DNHD1: variants seen among roughly 807,000 people sequenced by gnomAD.
DNHD1 encodes dynein heavy chain domain 1, also known as dynein heavy chain domain-containing protein 1.
DNHD1 carries 383 observed loss-of-function variants against 458.1 expected under a neutral mutation model. The ratio of observed to expected loss-of-function variants is 0.84; its 90% CI spans 0.77 to 0.91. DNHD1 has a LOEUF of 0.91. Ranked by LOEUF, DNHD1 falls within the 40% of genes least tolerant of loss-of-function variation. DNHD1 has a pLI of 0.00. For missense variants in DNHD1, 5,336 were observed against 5,866.1 expected (o/e 0.91, Z 2.95); for synonymous variants, 2,203 against 2,376.9 (o/e 0.93, Z 2.13).
chr11:6,498,771 C>A lies in DNHD1; in HGVS notation c.556C>A (p.Arg186=). 1.9e-6 allele frequency: 3 copies of A among 1,614,158 alleles called. No homozygotes were observed. Among genetic ancestry groups the A allele is most frequent in the Non-Finnish European group, 2.5e-6 (3 of 1,180,002 alleles). The change falls in exon 3 of 43, where the codon CGA becomes AGA. Residue 186 remains arginine, a synonymous_variant. Transcript: ENST00000254579. The part of the protein sequence containing the change: ...QVKEELATWL[R]PLTLPELQRC... ...AAAGGAGGAGCTGGCCACCTGGCTG[C>A]GACCATTGACACTGCCTGAGCTACA...
In DNHD1 at chr11:6,545,142, T is replaced by A; in HGVS notation, c.4203T>A (p.Thr1401=). ...VHAVSFRSCP[T]GEKNTDDWES... The stretch of plus-strand genomic sequence containing the variant: ...CTGTGAGCTTCAGGTCTTGCCCAAC[T>A]GGTGAGAAAAACACAGATGACTGGG... Residue 1401 remains threonine, a synonymous_variant, in exon 21 of 43, where the codon ACT becomes ACA. Coordinates refer to ENST00000254579, the MANE Select transcript of DNHD1 (RefSeq NM_144666.3). The surrounding 1 kb of genome is among the most constrained non-coding windows in gnomAD (Gnocchi z 4.9). The A allele has an allele frequency of 6.4e-7, 1 of 1,552,148 alleles. No homozygotes were observed. Among genetic ancestry groups the A allele is most frequent in the Non-Finnish European group, 8.7e-7 (1 of 1,147,094 alleles).
chr11:6,523,992 A>T (rs553584606), intron 10 of DNHD1, among the ~76,000 whole-genome samples: 42 of 152,266 alleles, frequency 2.8e-4, no homozygotes, highest in African/African-American at 5.1e-4. Context: ...TCTAAAATTT[A>T]AAAAAAATTT....
chr11:6,558,002 C>T lies in DNHD1; in HGVS notation c.8707C>T (p.Leu2903=), dbSNP rs1564820628. 3 of 1,551,754 alleles carry T rather than the reference C, an allele frequency of 1.9e-6. No homozygotes were observed. Among genetic ancestry groups the T allele is most frequent in the Non-Finnish European group, 2.6e-6 (3 of 1,146,998 alleles). The change falls in exon 25 of 43, where the codon CTG becomes TTG. Residue 2903 remains leucine (L), a synonymous_variant. Transcript: ENST00000254579. Reference sequence around the variant, plus strand: ...TACTGGGCGCCACACTGCCATCACTCTGGCTTCTAGCATTTGTCAGGCCCA... The same window carrying T: ...TACTGGGCGCCACACTGCCATCACTTTGGCTTCTAGCATTTGTCAGGCCCA... The part of the protein sequence containing the change: ...LGTGRHTAIT[L]ASSICQAHFF...
chr11:6,530,773 C>T (rs767146988), intron 12 of DNHD1, among the ~76,000 whole-genome samples: 2 of 149,224 alleles, frequency 1.3e-5, no homozygotes, highest in African/African-American at 2.6e-5. Context: ...AGGCAGGAAC[C>T]GGGAGGACGT....
chr11:6,507,646 A>C (rs985986906), intron 4 of DNHD1, among the ~76,000 whole-genome samples: 1 of 152,170 alleles, frequency 6.6e-6, no homozygotes, highest in Non-Finnish European at 1.5e-5. Context: ...GGAAAAGGAA[A>C]TATCTCTTGG....
rs551926961 is a variant in DNHD1, at chr11:6,563,573, G to A, written c.9852+9G>A. ...CTGAGGATTTTTATCAGGTAGGAAG[G>A]GTGGAGCACAATGAAGGAGGATAGG... On this transcript the variant is annotated intron_variant, in intron 30 of 42. Transcript: ENST00000254579. 1 of 1,551,194 alleles carries A rather than the reference G, an allele frequency of 6.4e-7. No individual in the cohort carries two copies. Among genetic ancestry groups the A allele is most frequent in the South Asian group, 1.2e-5 (1 of 84,062 alleles).
At chr11:6,538,266 C>A (rs927831305) in intron 14 of DNHD1, 117 bp from the exon 15 acceptor site, 2 of 845,666 alleles carry the variant, frequency 2.4e-6, no homozygotes. Context: ...TCCCCCACCC[C>A]CAACCATCAC....
At position 6,571,644 on chromosome 11, in the gene DNHD1, T is replaced by C; in HGVS notation, c.13920T>C (p.Asn4640=). The change falls in exon 43 of 43, where the codon AAT becomes AAC. Residue 4640 remains asparagine (N), a synonymous_variant. Coordinates refer to ENST00000254579, the MANE Select transcript of DNHD1 (RefSeq NM_144666.3). The surrounding 1 kb of genome is among the most constrained non-coding windows in gnomAD (Gnocchi z 5.0). ...GCTTCTGACGCCCCCAGGTGGAGAATGGTCCAAATCCCACGGTTCCAGAGA... is the reference window on the plus strand; with the variant it reads ...GCTTCTGACGCCCCCAGGTGGAGAACGGTCCAAATCCCACGGTTCCAGAGA... ...NSNPLHFRVE[N]GPNPTVPERG... 13 of 1,580,148 alleles carry C rather than the reference T, an allele frequency of 8.2e-6. No homozygotes were observed. The highest frequency in any genetic ancestry group is 4.6e-5 in the East Asian group (2 of 43,868).
Position 6,498,290 on chromosome 11 carries a change from C to T in DNHD1, c.75C>T (p.Ser25=). 8.7e-6 allele frequency: 14 copies of T among 1,614,202 alleles called. No individual in the cohort carries two copies. Among genetic ancestry groups the T allele is most frequent in the Non-Finnish European group, 1.2e-5 (14 of 1,180,040 alleles). ...TSSDSLKSWH[S]ICVLDSKEQP... ...CTGATTCCCTTAAGTCTTGGCACTC[C>T]ATATGTGTCTTGGACAGCAAAGAAC... Residue 25 remains serine, a synonymous_variant, in exon 3 of 43, where the codon TCC becomes TCT. Transcript: ENST00000254579.
chr11:6,538,718 G>T lies in DNHD1; in HGVS notation c.3233G>T (p.Arg1078Leu). ...LHSPVLQHCMRILGEFRSYLP... is the reference protein window; with the variant it reads ...LHSPVLQHCMLILGEFRSYLP... ...AGCCCCGTGCTGCAGCACTGCATGCGCATCCTGGGGGAGTTTCGCAGCTAC... is the reference window on the plus strand; with the variant it reads ...AGCCCCGTGCTGCAGCACTGCATGCTCATCCTGGGGGAGTTTCGCAGCTAC... The change falls in exon 16 of 43, where the codon CGC becomes CTC. Residue 1078 changes from arginine to leucine, a missense_variant. Physicochemically the swap from Arg to Leu is moderately radical, Grantham distance 102 (BLOSUM62 -2). Around this residue, in one of 4 missense-constraint regions of DNHD1, gnomAD observed 3,932 missense variants for 4,365.6 expected, o/e 0.90. Coordinates refer to ENST00000254579, the MANE Select transcript of DNHD1 (RefSeq NM_144666.3). The T allele has an allele frequency of 1.9e-6, 3 of 1,549,792 alleles. No homozygotes were observed. The highest frequency in any genetic ancestry group is 2.6e-6 in the Non-Finnish European group (3 of 1,145,796).
At position 6,567,483 on chromosome 11, in the gene DNHD1, A is replaced by C; in HGVS notation, c.11974A>C (p.Met3992Leu). The C allele has an allele frequency of 6.2e-7, 1 of 1,613,368 alleles. No individual in the cohort carries two copies. Among genetic ancestry groups the C allele is most frequent in the Non-Finnish European group, 8.5e-7 (1 of 1,179,624 alleles). The change falls in exon 36 of 43, where the codon ATG (methionine) becomes CTG (leucine). Residue 3992 changes from methionine (M) to leucine (L), a missense_variant. By Grantham distance (15) the Met-to-Leu change is conservative. This residue lies in a region of DNHD1 where 695 missense variants were observed against 804.2 expected (regional missense o/e 0.86). Transcript: ENST00000254579. ...GCCAAAAGCCTGGCATGAATGTGAGATGTTAGAGCTGCTGCCCCCATTTGT... is the reference window on the plus strand; with the variant it reads ...GCCAAAAGCCTGGCATGAATGTGAGCTGTTAGAGCTGCTGCCCCCATTTGT... ...LGPKAWHECEMLELLPPFVGL... is the reference protein window; with the variant it reads ...LGPKAWHECELLELLPPFVGL...
chr11:6,533,224 C>G (rs190129552), intron 13 of DNHD1, 40 bp downstream of exon 13: 59 of 1,540,128 alleles, frequency 3.8e-5, no homozygotes, highest in Middle Eastern at 1.7e-4. Context: ...TTATTCAGGG[C>G]CCATCCTGCT....
rs899906481 is a variant in DNHD1, at chr11:6,558,653, G to C, written c.9171G>C (p.Gln3057His). Residue 3057 changes from glutamine to histidine, a missense_variant, in exon 26 of 43, where the codon CAG becomes CAC. Around this residue, in one of 4 missense-constraint regions of DNHD1, gnomAD observed 3,932 missense variants for 4,365.6 expected, o/e 0.90. Transcript: ENST00000254579. Reference protein sequence around the residue: ...WDQAALAKVAQHHLEGAQSVP... With the variant: ...WDQAALAKVAHHHLEGAQSVP... ...AAGCTGCCCTGGCCAAGGTGGCCCA[G>C]CATCACCTGGAGGGTGCTCAGAGTG... The C allele has an allele frequency of 1.3e-6, 2 of 1,551,312 alleles. No individual in the cohort carries two copies. The highest frequency in any genetic ancestry group is 1.7e-6 in the Non-Finnish European group (2 of 1,147,000).
In DNHD1 at chr11:6,563,066, C is replaced by G. The variant is rs1237467567; in HGVS notation, c.9604C>G (p.Leu3202Val). 1.9e-6 allele frequency: 3 copies of G among 1,551,656 alleles called. No homozygotes were observed. In the East Asian group the frequency reaches 7.3e-5, roughly 38 times the overall value. ...QLEECRHQENLIENLARQRDA... is the reference protein window; with the variant it reads ...QLEECRHQENVIENLARQRDA... ...GGAAGAGTGTCGGCATCAAGAGAAC[C>G]TCATTGAGAACCTGGCCAGGCAACG... Residue 3202 changes from leucine (L) to valine (V), a missense_variant, in exon 29 of 43, where the codon CTC becomes GTC. Coordinates refer to ENST00000254579, the MANE Select transcript of DNHD1 (RefSeq NM_144666.3).
At position 6,546,896 on chromosome 11, in the gene DNHD1, C is replaced by T; in HGVS notation, c.5957C>T (p.Ser1986Leu). The part of the protein sequence containing the change: ...EQLSQALSRA[S>L]GILLLGPAGS... ...TTGAGCCAGGCCCTGAGCCGGGCCTCAGGCATTCTGCTCCTGGGCCCTGCG... is the reference window on the plus strand; with the variant it reads ...TTGAGCCAGGCCCTGAGCCGGGCCTTAGGCATTCTGCTCCTGGGCCCTGCG... The change falls in exon 21 of 43, where the codon TCA (serine) becomes TTA (leucine). Residue 1986 changes from serine to leucine, a missense_variant. Physicochemically the swap from Ser to Leu is moderately radical, Grantham distance 145. This residue lies in a region of DNHD1 where 3,932 missense variants were observed against 4,365.6 expected (regional missense o/e 0.90). Coordinates refer to ENST00000254579, the MANE Select transcript of DNHD1 (RefSeq NM_144666.3). 1.3e-6 allele frequency: 2 copies of T among 1,551,748 alleles called. No homozygotes were observed. Among genetic ancestry groups the T allele is most frequent in the Non-Finnish European group, 1.7e-6 (2 of 1,146,986 alleles).
Position 6,571,318 on chromosome 11 carries a change from G to A in DNHD1, c.13806G>A (p.Leu4602=), listed in dbSNP as rs1173212864. Residue 4602 remains leucine (L), a synonymous_variant, in exon 42 of 43, where the codon CTG becomes CTA. Coordinates refer to ENST00000254579, the MANE Select transcript of DNHD1 (RefSeq NM_144666.3). This position sits in a 1 kb window ranked among gnomAD's most constrained non-coding sequence, Gnocchi z 5.0. The part of the protein sequence containing the change: ...LLLALRGEAA[L]DQNVPSSNFP... ...TGGCATTGCGTGGGGAAGCTGCCCT[G>A]GACCAGAATGTGCCCAGCTCGAATT... 1.2e-6 allele frequency: 2 copies of A among 1,612,310 alleles called. No individual in the cohort carries two copies. The highest frequency in any genetic ancestry group is 3.3e-5 in the Admixed American group (2 of 59,934).
In DNHD1 at chr11:6,565,832, A is replaced by G; in HGVS notation, c.10894A>G (p.Lys3632Glu). 2 of 1,551,724 alleles carry G rather than the reference A, an allele frequency of 1.3e-6. No individual in the cohort carries two copies. Among genetic ancestry groups the G allele is most frequent in the African/African-American group, 2.7e-5 (2 of 73,158 alleles). ...KAEERKNEQE[K>E]EQEENEEKEE... ...AGAGGAAAGAAAAAATGAGCAGGAGAAAGAGCAAGAGGAAAATGAAGAGAA... is the reference window on the plus strand; with the variant it reads ...AGAGGAAAGAAAAAATGAGCAGGAGGAAGAGCAAGAGGAAAATGAAGAGAA... The change falls in exon 33 of 43, where the codon AAA becomes GAA. Residue 3632 changes from lysine (K) to glutamate (E), a missense_variant. Transcript: ENST00000254579.
At position 6,557,225 on chromosome 11, in the gene DNHD1, G is replaced by GT; in HGVS notation, c.7931dup (p.Arg2645AlafsTer6). The GT allele has an allele frequency of 6.4e-7, 1 of 1,551,604 alleles. No homozygotes were observed. The highest frequency in any genetic ancestry group is 8.7e-7 in the Non-Finnish European group (1 of 1,147,000). ...CGTTATGATGGCCACACGCAATGTG[G>GT]TGCGTCTTTGGTTGCATGAGGCACA... On this transcript the variant is annotated frameshift_variant, in exon 25 of 43. Transcript: ENST00000254579. LOFTEE classifies it high-confidence loss of function.
At chr11:6,547,794 T>C in intron 21 of DNHD1, 69 bp from the exon 22 acceptor site, 4 of 1,534,016 alleles carry the variant, frequency 2.6e-6, no homozygotes, top group African/African-American at 1.4e-5. Flanking sequence ...ACTGTCAACC[T>C]TTTTTCTTTC....
Sources: gnomAD v4.1 joint callset for allele counts (sites outside exome capture counted in the v4.1 genomes callset) on GRCh38, gnomAD v4.1.1 for gene constraint, gnomAD v4.1.1 regional missense constraint, Gnocchi (gnomAD v3.1) non-coding constraint, MANE v1.5 for transcripts, NCBI Gene and HGNC (gene_info 2026-07-23, HGNC 2026-07-21) for gene names.